The following ROBO2 variants were observed in gnomAD, a reference collection of about 807,000 sequenced individuals.
ROBO2 encodes the protein roundabout homolog 2.
In ROBO2, 53 loss-of-function variants were observed where a neutral mutation model predicts 160.8. The ratio of observed to expected loss-of-function variants is 0.33; its 90% CI spans 0.26 to 0.41. The LOEUF is 0.41. Ranked by LOEUF, ROBO2 falls within the 10% of genes least tolerant of loss-of-function variation. The pLI, the probability that ROBO2 is intolerant of heterozygous loss-of-function variation, is 1.00. For missense variants in ROBO2, 1,577 were observed against 1,722.4 expected, an observed-to-expected ratio of 0.92 and a Z score of 1.49; for synonymous variants, 664 against 611.7, an observed-to-expected ratio of 1.09 and a Z score of -1.26.
At chr3:77,597,433 A>C (rs2153689283) in intron 19 of ROBO2, among the ~76,000 whole-genome samples, 1 of 152,300 alleles carries the variant, frequency 6.6e-6, no homozygotes, top group East Asian at 1.9e-4. Flanking sequence ...ACTGTAAATA[A>C]CTACCACCTC....
intron 2 of ROBO2, among the ~76,000 whole-genome samples, chr3:76,276,120 C>G (rs17203): frequency 0.68 from 102,686 of 151,896 alleles, 39,860 homozygotes; most frequent in Non-Finnish European, 0.88. Context: ...CAAGGTCTTC[C>G]TAAAGTACTT....
intron 16 of ROBO2, among the ~76,000 whole-genome samples, chr3:77,584,296 G>A (rs1189059037): frequency 1.3e-5 from 2 of 152,056 alleles, no homozygotes; most frequent in Non-Finnish European, 2.9e-5. Context: ...GGGAAAGAAA[G>A]CCTCACCCCT....
chr3:76,499,299 T>C (rs13433936), intron 2 of ROBO2, among the ~76,000 whole-genome samples: 3,106 of 152,210 alleles, frequency 0.02, 98 homozygotes, highest in African/African-American at 0.068. Context: ...AAAACTTAAA[T>C]ATGGATGCTA....
chr3:76,049,403 ATTTTTTTTTT>A (rs1167852972), intron 2 of ROBO2, among the ~76,000 whole-genome samples: 1 of 53,754 alleles, frequency 1.9e-5, no homozygotes, highest in Admixed American at 2.8e-4. Flanking sequence ...ATATATATAT[ATTTTTTTTTT>A]TTTTTTTTTT....
chr3:76,554,517 C>A (rs750915092), intron 2 of ROBO2, among the ~76,000 whole-genome samples: 2 of 152,154 alleles, frequency 1.3e-5, no homozygotes, highest in Non-Finnish European at 2.9e-5. Context: ...TCTTACCACT[C>A]CCTGCTCCAT....
intron 2 of ROBO2, among the ~76,000 whole-genome samples, chr3:76,432,289 T>C (rs1403754988): frequency 6.6e-6 from 1 of 152,174 alleles, no homozygotes; most frequent in African/African-American, 2.4e-5. Context: ...TATTATTTTC[T>C]CCCCAAAGTC....
At chr3:75,984,323 G>A (rs150744940) in intron 2 of ROBO2, among the ~76,000 whole-genome samples, 2,131 of 151,548 alleles carry the variant, frequency 0.014, 21 homozygotes, top group Middle Eastern at 0.037. Flanking sequence ...TAAAATGCCC[G>A]TGATGGTAGT....
At chr3:77,474,137 A>G (rs764203714) in intron 2 of ROBO2, among the ~76,000 whole-genome samples, 13 of 152,272 alleles carry the variant, frequency 8.5e-5, no homozygotes, top group Non-Finnish European at 1.2e-4. Context: ...GTCAAAAACC[A>G]TCGTCCCCTT....
At position 76,303,255 on chromosome 3, in the gene ROBO2, G is replaced by C. The variant is rs146920056; in HGVS notation, c.109+365653G>C. Among the ~76,000 whole-genome samples, 602 of 151,932 alleles carry C rather than the reference G, an allele frequency of 4.0e-3. 4 individuals are homozygous for C. The highest frequency in any genetic ancestry group is 0.017 in the Middle Eastern group (5 of 294). On this transcript the variant is annotated intron_variant, in intron 2 of 26. Transcript: ENST00000487694. ...AAGTCATGTAATCACTTGCAACTTA[G>C]GTTAACTATGTGTTAACAAATGTCA...
intron 2 of ROBO2, among the ~76,000 whole-genome samples, chr3:77,291,423 G>C (rs1319258674): frequency 1.3e-5 from 2 of 151,898 alleles, no homozygotes; most frequent in Non-Finnish European, 2.9e-5. Context: ...AAACGGGTAA[G>C]CTGAGGCTAG....
At chr3:77,552,441 T>C (rs1483687144) in intron 8 of ROBO2, among the ~76,000 whole-genome samples, 3 of 152,024 alleles carry the variant, frequency 2.0e-5, no homozygotes, top group Admixed American at 2.0e-4. Context: ...CTGTTATCGT[T>C]CATAAAACAG....
Position 76,115,728 on chromosome 3 carries a change from A to G in ROBO2, c.109+178126A>G, listed in dbSNP as rs74884733. On this transcript the variant is annotated intron_variant, in intron 2 of 26. Coordinates refer to the ROBO2 transcript ENST00000487694. Reference sequence around the variant, plus strand: ...TCAATGTTTCTTTGGAGCATTAGCCATAAGAAGCAGCAAAATGAATTTCAA... The same window carrying G: ...TCAATGTTTCTTTGGAGCATTAGCCGTAAGAAGCAGCAAAATGAATTTCAA... Among the ~76,000 whole-genome samples the G allele has an allele frequency of 2.0e-5, 3 of 152,250 alleles. No homozygotes were observed. The East Asian group carries it at 5.8e-4, about 29-fold the overall frequency.
Position 77,471,571 on chromosome 3 carries a change from T to C in ROBO2, c.389-5843T>C, listed in dbSNP as rs146313863. Among the ~76,000 whole-genome samples the C allele has an allele frequency of 6.6e-5, 10 of 152,216 alleles. No homozygotes were observed. In the East Asian group the frequency reaches 1.9e-3, roughly 29 times the overall value. On this transcript the variant is annotated intron_variant, in intron 2 of 25. Coordinates refer to ENST00000461745, the Ensembl canonical transcript of ROBO2. Reference sequence around the variant, plus strand: ...ACCGTGCATGATCAGAGAAAGTATATGAAAAGAGAGTAAGAGAGGAGTTCA... The same window carrying C: ...ACCGTGCATGATCAGAGAAAGTATACGAAAAGAGAGTAAGAGAGGAGTTCA...
At chr3:76,197,836 A>G (rs1702333511) in intron 2 of ROBO2, among the ~76,000 whole-genome samples, 1 of 152,200 alleles carries the variant, frequency 6.6e-6, no homozygotes, top group South Asian at 2.1e-4. Flanking sequence ...GGGCATATGG[A>G]CACTTGATGT....
chr3:76,756,041 T>A (rs2060949932), intron 2 of ROBO2, among the ~76,000 whole-genome samples: 1 of 151,882 alleles, frequency 6.6e-6, no homozygotes, highest in Non-Finnish European at 1.5e-5. Context: ...TAGCTTTGAG[T>A]ATGTGGCAAT....
At chr3:77,079,617 T>C (rs2068416430) in intron 1 of ROBO2, among the ~76,000 whole-genome samples, 1 of 152,222 alleles carries the variant, frequency 6.6e-6, no homozygotes, top group Non-Finnish European at 1.5e-5. Context: ...TAGTTTACCA[T>C]AGTGTTTGCC....
At chr3:76,374,460 A>G (rs574101727) in intron 2 of ROBO2, among the ~76,000 whole-genome samples, 2 of 152,206 alleles carry the variant, frequency 1.3e-5, no homozygotes, top group South Asian at 4.1e-4. Context: ...GATAAACACA[A>G]TAACAGTTTA....
chr3:76,962,754 T>C (rs540015785), intron 2 of ROBO2, among the ~76,000 whole-genome samples: 68 of 151,876 alleles, frequency 4.5e-4, no homozygotes, highest in African/African-American at 1.6e-3. Context: ...CTGCAGTGAC[T>C]ATGATCGTGC....
At chr3:76,141,179 ATATATATATT>A (rs1553656235) in intron 2 of ROBO2, among the ~76,000 whole-genome samples, 1 of 104,522 alleles carries the variant, frequency 9.6e-6, no homozygotes, top group Non-Finnish European at 1.9e-5. Context: ...ATATATATAT[ATATATATATT>A]TAATGTCTGA....
Sources: gnomAD v4.1 joint callset for allele counts (sites outside exome capture counted in the v4.1 genomes callset) on GRCh38, gnomAD v4.1.1 for gene constraint, MANE v1.5 for transcripts, NCBI Gene and HGNC (gene_info 2026-07-23, HGNC 2026-07-21) for gene names.